NFIC: variants seen among roughly 807,000 people sequenced by gnomAD.
NFIC encodes nuclear factor I C.
Under a neutral mutation model 54.4 loss-of-function variants are expected in NFIC, and 12 were observed. That is an observed-to-expected ratio of 0.22 (90% CI 0.14 to 0.36). The LOEUF (loss-of-function observed/expected upper bound fraction) is 0.36. NFIC is among the 10% of genes least tolerant of loss of function. NFIC has a pLI of 1.00. For synonymous variants in NFIC, 322 were observed against 319.2 expected (o/e 1.01, Z -0.09); for missense variants, 575 against 718.2 (o/e 0.80, Z 2.28).
In NFIC at chr19:3,434,389, C is replaced by T; in HGVS notation, c.822C>T (p.Thr274=). ...STGLRRTLPS[T]SSSGSKRHKS... ...GCCTCAGAAGAACGCTGCCCAGCAC[C>T]TCCTCCAGTGGGTAAGTACCCAGGT... is the stretch of plus-strand genomic sequence containing the variant. Residue 274 remains threonine, a synonymous_variant, in exon 5 of 11, where the codon ACC becomes ACT. Coordinates refer to ENST00000443272, the MANE Select transcript of NFIC (RefSeq NM_001245002.2). 1 of 1,607,396 alleles carries T rather than the reference C, an allele frequency of 6.2e-7. No individual in the cohort carries two copies. The highest frequency in any genetic ancestry group is 8.5e-7 in the Non-Finnish European group (1 of 1,176,734).
chr19:3,410,368 G>A (rs2081735098), intron 2 of NFIC, among the ~76,000 whole-genome samples: 1 of 152,232 alleles, frequency 6.6e-6, no homozygotes, highest in Non-Finnish European at 1.5e-5. Flanking sequence ...GGAGCTATTT[G>A]AGGAAAGTCC....
In NFIC at chr19:3,456,625, A is replaced by C; in HGVS notation, c.1499A>C (p.Tyr500Ser). 6.4e-7 allele frequency: 1 copy of C among 1,551,320 alleles called. No individual in the cohort carries two copies. The highest frequency in any genetic ancestry group is 2.4e-5 in the East Asian group (1 of 40,948). Residue 500 changes from tyrosine (Y) to serine (S), a missense_variant, in exon 10 of 11, where the codon TAT becomes TCT. Tyr to Ser is a moderately radical substitution (Grantham distance 144, BLOSUM62 -2). Around this residue, in one of 3 missense-constraint regions of NFIC, gnomAD observed 447 missense variants for 526.9 expected, o/e 0.85. Transcript: ENST00000443272. ...GGACCAAGGGATCCTGCGGGCATTTATCAGGCACAGGTAGGGGCCGAGAGG... is the reference window on the plus strand; with the variant it reads ...GGACCAAGGGATCCTGCGGGCATTTCTCAGGCACAGGTAGGGGCCGAGAGG... ...GLGPRDPAGI[Y>S]QAQSWYLG
chr19:3,370,950 C>T lies in NFIC; in HGVS notation c.30+4284C>T, dbSNP rs369032975. ...TGACCAGTTCACATCCATGAGCACA[C>T]GCTGGGCGCACACGCGTGCACACTC... On this transcript the variant is annotated intron_variant, in intron 1 of 10. Coordinates refer to ENST00000443272, the MANE Select transcript of NFIC (RefSeq NM_001245002.2). This position sits in a 1 kb window ranked among gnomAD's most constrained non-coding sequence, Gnocchi z 5.2. 5.3e-5 allele frequency among the ~76,000 whole-genome samples: 8 copies of T among 152,236 alleles called. No individual in the cohort carries two copies. The highest frequency in any genetic ancestry group is 1.4e-4 in the African/African-American group (6 of 41,460).
At chr19:3,444,076 C>A (rs1568188703) in intron 6 of NFIC, among the ~76,000 whole-genome samples, 1 of 150,378 alleles carries the variant, frequency 6.6e-6, no homozygotes, top group African/African-American at 2.4e-5. Flanking sequence ...AATGGCTGCT[C>A]CGACGGGGTG....
intron 2 of NFIC, among the ~76,000 whole-genome samples, chr19:3,387,357 C>A (rs960546902): frequency 6.6e-6 from 1 of 152,138 alleles, no homozygotes; most frequent in Non-Finnish European, 1.5e-5. Flanking sequence ...CAAAAATTAG[C>A]CGGGCGTGGT....
intron 2 of NFIC, among the ~76,000 whole-genome samples, chr19:3,412,484 CT>C (rs1331679648): frequency 6.6e-6 from 1 of 152,122 alleles, no homozygotes; most frequent in African/African-American, 2.4e-5. Flanking sequence ...AACTCCTGAC[CT>C]CAAGCAATCC....
At chr19:3,407,812 G>A (rs910796988) in intron 2 of NFIC, among the ~76,000 whole-genome samples, 21 of 152,160 alleles carry the variant, frequency 1.4e-4, no homozygotes, top group Non-Finnish European at 2.6e-4. Context: ...AAGGGCTGGG[G>A]AGGGTGTTCC....
At chr19:3,456,680 G>A in intron 10 of NFIC, 45 bp downstream of exon 10, 1 of 1,155,502 alleles carries the variant, frequency 8.7e-7, no homozygotes, top group Non-Finnish European at 1.3e-6. Flanking sequence ...GGGCAGGGCA[G>A]AGGGGCCGGC....
intron 9 of NFIC, among the ~76,000 whole-genome samples, chr19:3,455,856 T>A (rs902871974): frequency 2.6e-5 from 4 of 152,138 alleles, no homozygotes; most frequent in African/African-American, 9.7e-5. Context: ...TCCACCCCCC[T>A]TTCCCTGCAC....
In NFIC at chr19:3,464,352, G is replaced by T; in HGVS notation, c.*1583G>T. ...CCTCCCATCTGCTAAGCGTTTTTCCGTTGAGCCGCTCCAAAAACACTAAGC... is the reference window on the plus strand; with the variant it reads ...CCTCCCATCTGCTAAGCGTTTTTCCTTTGAGCCGCTCCAAAAACACTAAGC... On this transcript the variant is annotated 3_prime_UTR_variant, in exon 11 of 11. Transcript: ENST00000443272. 1 of 984,948 alleles carries T rather than the reference G, an allele frequency of 1.0e-6. No individual in the cohort carries two copies. The highest frequency in any genetic ancestry group is 1.2e-6 in the Non-Finnish European group (1 of 829,790). 61.0% of individuals were successfully genotyped at this position (984,948 alleles called of 1,614,324 possible). A position where few individuals can be genotyped will look rare whatever the true frequency, so the allele number is the denominator to read the frequency against.
chr19:3,434,284 G>A lies in NFIC; in HGVS notation c.717G>A (p.Val239=), dbSNP rs2082164345. 5 of 1,610,626 alleles carry A rather than the reference G, an allele frequency of 3.1e-6. No homozygotes were observed. The South Asian group carries it at 3.3e-5, about 11-fold the overall frequency. ...TELIQVSRTP[V]VTGTGPNFSL... Reference sequence around the variant, plus strand: ...CTCTGTCACCCTCTGCAGCACCCGTGGTGACTGGAACAGGACCCAACTTCT... The same window carrying A: ...CTCTGTCACCCTCTGCAGCACCCGTAGTGACTGGAACAGGACCCAACTTCT... The change falls in exon 5 of 11, where the codon GTG becomes GTA. Residue 239 remains valine (V), a synonymous_variant. Transcript: ENST00000443272.
At chr19:3,395,737 G>C (rs1273390690) in intron 2 of NFIC, among the ~76,000 whole-genome samples, 1 of 151,954 alleles carries the variant, frequency 6.6e-6, no homozygotes, top group Non-Finnish European at 1.5e-5. Context: ...CTGGAGTGCA[G>C]TGGCGCAATC....
At chr19:3,408,972 TC>T (rs1275313175) in intron 2 of NFIC, among the ~76,000 whole-genome samples, 1 of 151,992 alleles carries the variant, frequency 6.6e-6, no homozygotes, top group Non-Finnish European at 1.5e-5. Context: ...CCTCAAGTGA[TC>T]CTCCCACTTC....
chr19:3,458,639 G>A lies in NFIC; in HGVS notation c.1509+2004G>A, dbSNP rs1361245148. Among the ~76,000 whole-genome samples the A allele has an allele frequency of 6.6e-6, 1 of 151,862 alleles. No individual in the cohort carries two copies. The highest frequency in any genetic ancestry group is 2.4e-5 in the African/African-American group (1 of 41,338). ...GGCTGGCAGAATGGGGTGTGGGGGG[G>A]CACTGGCAAGGGGCTCAGCATAGGC... On this transcript the variant is annotated intron_variant, in intron 10 of 10. Transcript: ENST00000443272. This position sits in a 1 kb window ranked among gnomAD's most constrained non-coding sequence, Gnocchi z 4.1.
At chr19:3,405,689 T>C (rs1321937193) in intron 2 of NFIC, among the ~76,000 whole-genome samples, 1 of 152,006 alleles carries the variant, frequency 6.6e-6, no homozygotes, top group East Asian at 1.9e-4. Flanking sequence ...AACCTCCACC[T>C]CCTGAGTTCA....
At position 3,464,414 on chromosome 19, in the gene NFIC, G is replaced by T. The variant is rs2082688039; in HGVS notation, c.*1645G>T. 2.0e-6 allele frequency: 2 copies of T among 983,956 alleles called. No homozygotes were observed. The highest frequency in any genetic ancestry group is 2.4e-6 in the Non-Finnish European group (2 of 829,342). 61.0% of individuals were successfully genotyped at this position (983,956 alleles called of 1,614,324 possible). A position where few individuals can be genotyped will look rare whatever the true frequency, so the allele number is the denominator to read the frequency against. Reference sequence around the variant, plus strand: ...GGTGCCCCCCCACCCCGGCTCCCTGGCCCTATCCACACCTCCACCCCCACC... The same window carrying T: ...GGTGCCCCCCCACCCCGGCTCCCTGTCCCTATCCACACCTCCACCCCCACC... On this transcript the variant is annotated 3_prime_UTR_variant, in exon 11 of 11. Transcript: ENST00000443272.
chr19:3,436,536 C>T (rs554580675), intron 6 of NFIC, among the ~76,000 whole-genome samples: 8 of 149,560 alleles, frequency 5.3e-5, no homozygotes, highest in East Asian at 4.0e-4. Flanking sequence ...AGTGCAGTGG[C>T]GAGATCTTGG....
At chr19:3,382,716 G>A (rs1456270893) in intron 2 of NFIC, among the ~76,000 whole-genome samples, 1 of 151,998 alleles carries the variant, frequency 6.6e-6, no homozygotes. Context: ...CACGGGGCAA[G>A]GAGGGTCTGA....
intron 2 of NFIC, among the ~76,000 whole-genome samples, chr19:3,389,442 T>C (rs1235077430): frequency 6.6e-6 from 1 of 152,142 alleles, no homozygotes; most frequent in African/African-American, 2.4e-5. Flanking sequence ...CTTCTGCCTT[T>C]ATTGATCTTC....
Sources: allele counts gnomAD v4.1 joint callset (sites outside exome capture counted in the v4.1 genomes callset), GRCh38; gene constraint gnomAD v4.1.1; regional missense constraint gnomAD v4.1.1; non-coding constraint Gnocchi (gnomAD v3.1); transcripts MANE v1.5; gene names NCBI Gene and HGNC (gene_info 2026-07-23, HGNC 2026-07-21).